The following MAF variants were observed in gnomAD, a reference collection of about 807,000 sequenced individuals.
The protein encoded by MAF is transcription factor Maf.
MAF carries 10 observed loss-of-function variants against 22.0 expected under a neutral mutation model. The ratio of observed to expected loss-of-function variants is 0.45; its 90% CI spans 0.28 to 0.77. MAF has a LOEUF of 0.77. Ranked by LOEUF, MAF falls within the 30% of genes least tolerant of loss-of-function variation. The pLI is 0.12. For synonymous variants in MAF, 337 were observed against 255.8 expected, an observed-to-expected ratio of 1.32 and a Z score of -3.03; for missense variants, 544 against 548.4, an observed-to-expected ratio of 0.99 and a Z score of 0.08.
At chr16:79,537,186 C>A in the MAF span, among the ~76,000 whole-genome samples, 1 of 152,184 alleles carries the variant, frequency 6.6e-6, no homozygotes, top group East Asian at 1.9e-4. Context: ...ATTCTCAGTT[C>A]ATATCTGCTT....
chr16:79,289,896 G>A, the MAF span, among the ~76,000 whole-genome samples: 41 of 133,014 alleles, frequency 3.1e-4, no homozygotes, highest in African/African-American at 9.9e-4. Flanking sequence ...TCTGTCACCT[G>A]GCTGGAGTGC....
At chr16:79,382,901 A>G in the MAF span, among the ~76,000 whole-genome samples, 1 of 152,244 alleles carries the variant, frequency 6.6e-6, no homozygotes, top group Non-Finnish European at 1.5e-5. Context: ...GCAAAGTAGT[A>G]CTAATGGGAT....
At chr16:79,302,159 T>C in the MAF span, among the ~76,000 whole-genome samples, 2 of 152,204 alleles carry the variant, frequency 1.3e-5, no homozygotes, top group Non-Finnish European at 1.5e-5. Flanking sequence ...TCCAGCCTGG[T>C]AGCCACGAGA....
At chr16:79,345,941 A>G in the MAF span, among the ~76,000 whole-genome samples, 1 of 151,816 alleles carries the variant, frequency 6.6e-6, no homozygotes, top group Non-Finnish European at 1.5e-5. Context: ...CCAAAAGAAT[A>G]ATTTTGAATT....
At chr16:79,325,423 G>A in the MAF span, among the ~76,000 whole-genome samples, 1 of 152,042 alleles carries the variant, frequency 6.6e-6, no homozygotes, top group Non-Finnish European at 1.5e-5. Flanking sequence ...GATCATAATC[G>A]TGTCTTTACC....
the MAF span, among the ~76,000 whole-genome samples, chr16:79,426,844 A>T: frequency 6.6e-6 from 1 of 152,358 alleles, no homozygotes; most frequent in East Asian, 1.9e-4. Flanking sequence ...GCTGGGGCCA[A>T]CACATAGGGT....
chr16:79,244,164 G>C, the MAF span, among the ~76,000 whole-genome samples: 2 of 152,040 alleles, frequency 1.3e-5, no homozygotes, highest in African/African-American at 4.8e-5. Flanking sequence ...ACAAGACAAG[G>C]ATGACCTCTC....
the MAF span, among the ~76,000 whole-genome samples, chr16:79,354,256 T>G: frequency 6.6e-6 from 1 of 151,970 alleles, no homozygotes; most frequent in African/African-American, 2.4e-5. Flanking sequence ...CCTCCCAAAG[T>G]GCTGGGATTA....
chr16:79,578,163 A>G, the MAF span, among the ~76,000 whole-genome samples: 3 of 152,242 alleles, frequency 2.0e-5, no homozygotes, highest in East Asian at 3.8e-4. Context: ...TTAAACCAGC[A>G]TTTATAAATT....
chr16:79,426,074 C>T, the MAF span, among the ~76,000 whole-genome samples: 4 of 152,092 alleles, frequency 2.6e-5, no homozygotes, highest in Admixed American at 6.5e-5. Flanking sequence ...GGCATGGTGG[C>T]ACATGCCTGT....
At chr16:79,277,463 T>C in the MAF span, among the ~76,000 whole-genome samples, 2 of 152,358 alleles carry the variant, frequency 1.3e-5, no homozygotes, top group African/African-American at 4.8e-5. Flanking sequence ...AATTGTTGAA[T>C]ATCACCAATT....
the MAF span, among the ~76,000 whole-genome samples, chr16:79,539,700 G>T: frequency 6.6e-6 from 1 of 152,150 alleles, no homozygotes; most frequent in African/African-American, 2.4e-5. Flanking sequence ...TAATTAAATA[G>T]TTTCATTCAT....
At chr16:79,573,428 C>T in the MAF span, among the ~76,000 whole-genome samples, 1 of 151,972 alleles carries the variant, frequency 6.6e-6, no homozygotes, top group Non-Finnish European at 1.5e-5. Flanking sequence ...ATGGTTACAC[C>T]CCTCCTGTTC....
At chr16:79,329,152 A>G in the MAF span, among the ~76,000 whole-genome samples, 1 of 151,898 alleles carries the variant, frequency 6.6e-6, no homozygotes, top group Non-Finnish European at 1.5e-5. Context: ...GGACCAGGCA[A>G]GAAACACCAG....
At chr16:79,579,414 C>T in the MAF span, among the ~76,000 whole-genome samples, 505 of 152,198 alleles carry the variant, frequency 3.3e-3, 2 homozygotes, top group Non-Finnish European at 5.3e-3. Context: ...GCTGACATTG[C>T]CTCTACCATA....
the MAF span, among the ~76,000 whole-genome samples, chr16:79,243,120 C>T: frequency 6.6e-6 from 1 of 151,952 alleles, no homozygotes; most frequent in Middle Eastern, 3.4e-3. Context: ...AATCGACACC[C>T]TAACATCACA....
the MAF span, among the ~76,000 whole-genome samples, chr16:79,498,577 G>C: frequency 6.6e-6 from 1 of 152,108 alleles, no homozygotes; most frequent in African/African-American, 2.4e-5. Context: ...GTGTTTGGTT[G>C]TTTACAACTC....
chr16:79,332,549 T>G, the MAF span, among the ~76,000 whole-genome samples: 1 of 152,254 alleles, frequency 6.6e-6, no homozygotes, highest in Non-Finnish European at 1.5e-5. Context: ...TCTACCCACC[T>G]TGGCTTCCCA....
chr16:79,551,395 G>A, the MAF span, among the ~76,000 whole-genome samples: 276 of 152,292 alleles, frequency 1.8e-3, 1 homozygote, highest in African/African-American at 6.4e-3. Context: ...CATGGCAGAA[G>A]CGCATGCCCT....
Sources: gnomAD v4.1 joint callset for allele counts (sites outside exome capture counted in the v4.1 genomes callset) on GRCh38, gnomAD v4.1.1 for gene constraint, MANE v1.5 for transcripts, NCBI Gene and HGNC (gene_info 2026-07-23, HGNC 2026-07-21) for gene names.